The following POLN variants were observed in gnomAD, a reference collection of about 807,000 sequenced individuals.
POLN encodes DNA polymerase N.
POLN carries 108 observed loss-of-function variants against 113.5 expected under a neutral mutation model. That is an observed-to-expected ratio of 0.95 (90% confidence interval 0.81 to 1.12). POLN has a LOEUF of 1.12. Among genes scored for constraint, POLN ranks in the 50% most tolerant of loss-of-function variants. The probability of loss-of-function intolerance (pLI) is 0.00; values close to 1 mark genes in which losing one functional copy is unlikely to be tolerated. For synonymous variants in POLN, 386 were observed against 391.5 expected (o/e 0.99, Z 0.17); for missense variants, 1,097 against 1,077.1 (o/e 1.02, Z -0.26).
At chr4:2,170,880 C>T (rs964668258) in intron 12 of POLN, 106 bp from the exon 13 acceptor site, 1 of 1,047,972 alleles carries the variant, frequency 9.5e-7, no homozygotes, top group South Asian at 1.4e-5. Flanking sequence ...CACACCCAAA[C>T]AGACATTACA....
chr4:2,182,717 TG>T (rs1170369495), intron 7 of POLN, among the ~76,000 whole-genome samples: 8 of 151,792 alleles, frequency 5.3e-5, no homozygotes, highest in African/African-American at 1.9e-4. Flanking sequence ...TAAACTTGTA[TG>T]AAAAAAAATG....
At chr4:2,234,962 T>A (rs1734707432) in intron 2 of POLN, among the ~76,000 whole-genome samples, 1 of 152,232 alleles carries the variant, frequency 6.6e-6, no homozygotes, top group Admixed American at 6.5e-5. Context: ...CTTGACTCAC[T>A]GCAAACTTTG....
intron 24 of POLN, among the ~76,000 whole-genome samples, chr4:2,074,796 G>A (rs542497570): frequency 1.3e-5 from 2 of 152,298 alleles, no homozygotes; most frequent in East Asian, 1.9e-4. Flanking sequence ...ACAGGTCCAC[G>A]TGGGCACCTG....
At chr4:2,169,871 G>A (rs561220354) in intron 13 of POLN, among the ~76,000 whole-genome samples, 1 of 152,340 alleles carries the variant, frequency 6.6e-6, no homozygotes, top group Admixed American at 6.5e-5. Flanking sequence ...AGCATCCTCT[G>A]TGGGAGTCCA....
chr4:2,102,113 A>T (rs745569958), intron 19 of POLN, among the ~76,000 whole-genome samples: 11 of 152,076 alleles, frequency 7.2e-5, no homozygotes, highest in Admixed American at 5.2e-4. Flanking sequence ...CTTCACTCAA[A>T]CATTTCACCA....
chr4:2,174,799 T>C (rs1288960675), intron 9 of POLN, 48 bp from the exon 10 acceptor site: 1 of 1,366,246 alleles, frequency 7.3e-7, no homozygotes, highest in South Asian at 1.3e-5. Context: ...AATATTATTG[T>C]ATCTGCATTT....
At position 2,075,474 on chromosome 4, in the gene POLN, A is replaced by G; in HGVS notation, c.2433T>C (p.Asp811=). 6.2e-7 allele frequency: 1 copy of G among 1,613,510 alleles called. No homozygotes were observed. The highest frequency in any genetic ancestry group is 8.5e-7 in the Non-Finnish European group (1 of 1,180,014). The change falls in exon 24 of 26, where the codon GAT becomes GAC. Residue 811 remains aspartate, a synonymous_variant. Transcript: ENST00000511885. ...IHDELLFEVE[D]PQIPECAALV... ...TACCTGCACACTCCGGGATCTGCGG[A>G]TCTTCCACTTCAAACAGCAGCTCAT... is the stretch of plus-strand genomic sequence containing the variant.
At chr4:2,218,082 T>C (rs151256973) in intron 3 of POLN, among the ~76,000 whole-genome samples, 32 of 151,816 alleles carry the variant, frequency 2.1e-4, no homozygotes, top group African/African-American at 7.0e-4. Flanking sequence ...ACCCCAAGAG[T>C]TTGAGGCCAG....
chr4:2,110,153 G>A (rs1731156726), intron 19 of POLN, among the ~76,000 whole-genome samples: 2 of 152,136 alleles, frequency 1.3e-5, no homozygotes, highest in African/African-American at 4.8e-5. Context: ...GGTACATAAC[G>A]AAATGAAGGC....
At chr4:2,117,608 C>A (rs540760948) in intron 19 of POLN, among the ~76,000 whole-genome samples, 44 of 152,254 alleles carry the variant, frequency 2.9e-4, no homozygotes, top group African/African-American at 1.0e-3. Context: ...AGGACAGCCA[C>A]AATAAACACT....
chr4:2,194,873 G>C (rs1013287612), intron 6 of POLN, among the ~76,000 whole-genome samples: 1 of 151,866 alleles, frequency 6.6e-6, no homozygotes, highest in African/African-American at 2.4e-5. Context: ...ACTCCAACCT[G>C]GGCGACAAAG....
chr4:2,138,994 C>T (rs1344970536), intron 16 of POLN, among the ~76,000 whole-genome samples: 15 of 151,526 alleles, frequency 9.9e-5, no homozygotes, highest in African/African-American at 3.4e-4. Context: ...AGGGTTGAGA[C>T]TGGTGAGCAT....
intron 7 of POLN, among the ~76,000 whole-genome samples, chr4:2,189,918 C>T (rs1277037979): frequency 6.7e-6 from 1 of 149,966 alleles, no homozygotes. Context: ...CCAGCTACTT[C>T]AGAGTCTGAG....
chr4:2,124,665 T>C (rs560558593), intron 19 of POLN, among the ~76,000 whole-genome samples: 1 of 152,178 alleles, frequency 6.6e-6, no homozygotes, highest in Non-Finnish European at 1.5e-5. Context: ...GAAGGATGTT[T>C]TCCCAGGAGC....
rs1002307537 is a variant in POLN, at chr4:2,229,553, G to A, written c.-12-310C>T. ...TTAAATCTTCAAATAGGCTGAGCGC[G>A]GAAGCTCATGCCTGTGATCCCTGCA... On this transcript the variant is annotated intron_variant, in intron 2 of 25. Transcript: ENST00000511885. 12 of 178,392 alleles carry A rather than the reference G, an allele frequency of 6.7e-5. No individual in the cohort carries two copies. In the South Asian group the frequency reaches 7.5e-4, roughly 11 times the overall value. The allele number at this position is 178,392 out of a possible 1,614,324, so 11.1% of individuals were successfully genotyped here.
intron 16 of POLN, among the ~76,000 whole-genome samples, chr4:2,145,111 G>C (rs1031530050): frequency 5.3e-5 from 8 of 151,880 alleles, no homozygotes; most frequent in African/African-American, 1.9e-4. Context: ...CGCTACCTTA[G>C]ACCTAAATAA....
chr4:2,223,129 G>A (rs1011341098), intron 3 of POLN, among the ~76,000 whole-genome samples: 16 of 152,166 alleles, frequency 1.1e-4, no homozygotes, highest in South Asian at 8.3e-4. Flanking sequence ...GCCACCTGAC[G>A]AGGGGGGTTG....
chr4:2,082,109 G>A (rs1416694928), intron 21 of POLN, among the ~76,000 whole-genome samples: 7 of 151,740 alleles, frequency 4.6e-5, no homozygotes, highest in African/African-American at 1.5e-4. Flanking sequence ...CACCTGCCAC[G>A]ATGCCCAGCT....
chr4:2,179,053 C>T (rs1272608849), intron 8 of POLN, among the ~76,000 whole-genome samples: 1 of 152,164 alleles, frequency 6.6e-6, no homozygotes, highest in Non-Finnish European at 1.5e-5. Flanking sequence ...GTGACACTGA[C>T]ATCAGAGAGT....
Sources: gnomAD v4.1 joint callset for allele counts (sites outside exome capture counted in the v4.1 genomes callset) on GRCh38, gnomAD v4.1.1 for gene constraint, MANE v1.5 for transcripts, NCBI Gene and HGNC (gene_info 2026-07-23, HGNC 2026-07-21) for gene names.